The following TENM4 variants were observed in gnomAD, a reference collection of about 807,000 sequenced individuals.
The protein encoded by TENM4 is teneurin transmembrane protein 4, also known as teneurin-4.
TENM4 carries 82 observed loss-of-function variants against 243.3 expected under a neutral mutation model. That is an observed-to-expected ratio of 0.34 (90% CI 0.28 to 0.40). TENM4 has a LOEUF of 0.40. Ranked by LOEUF, TENM4 falls within the 10% of genes least tolerant of loss-of-function variation. TENM4 has a pLI of 1.00. For synonymous variants in TENM4, 1,412 were observed against 1,456.3 expected (o/e 0.97, Z 0.69); for missense variants, 3,138 against 3,673.3 (o/e 0.85, Z 3.77).
At chr11:79,260,600 C>T (rs1025174101) in intron 2 of TENM4, among the ~76,000 whole-genome samples, 1 of 152,106 alleles carries the variant, frequency 6.6e-6, no homozygotes, top group African/African-American at 2.4e-5. Context: ...AGGAGATCTG[C>T]CTTGTTCTTC....
At position 78,765,230 on chromosome 11, in the gene TENM4, G is replaced by T. The variant is rs151037297; in HGVS notation, c.2539+5762C>A. 5.0e-3 allele frequency among the ~76,000 whole-genome samples: 763 copies of T among 152,280 alleles called. 11 individuals are homozygous for T. The highest frequency in any genetic ancestry group is 0.018 in the African/African-American group (731 of 41,548). On this transcript the variant is annotated intron_variant, in intron 18 of 33. Coordinates refer to ENST00000278550, the MANE Select transcript of TENM4 (RefSeq NM_001098816.3). ...CACTGGGGAGAAGATTTTGTCATTT[G>T]CTATAATAAATTCTGTGCCTTCTTT...
chr11:79,317,935 T>C (rs1483282002), intron 1 of TENM4, among the ~76,000 whole-genome samples: 2 of 152,174 alleles, frequency 1.3e-5, no homozygotes, highest in African/African-American at 4.8e-5. Context: ...AGGGGTCTTC[T>C]GGAAGCCAAC....
intron 12 of TENM4, among the ~76,000 whole-genome samples, chr11:78,843,733 A>C (rs1858316158): frequency 6.6e-6 from 1 of 152,234 alleles, no homozygotes; most frequent in African/African-American, 2.4e-5. Context: ...TCTGGAACTC[A>C]CATTTCCATT....
chr11:79,371,409 A>T (rs1011996353), intron 1 of TENM4, among the ~76,000 whole-genome samples: 1 of 151,784 alleles, frequency 6.6e-6, no homozygotes, highest in Non-Finnish European at 1.5e-5. Flanking sequence ...TGGTTCTAGG[A>T]CTCTGACATG....
chr11:78,780,718 T>C (rs1856823787), intron 16 of TENM4, among the ~76,000 whole-genome samples: 1 of 152,220 alleles, frequency 6.6e-6, no homozygotes, highest in African/African-American at 2.4e-5. Flanking sequence ...TCTCTTCTAA[T>C]GCCATTTCAT....
intron 14 of TENM4, among the ~76,000 whole-genome samples, chr11:78,808,990 T>A (rs1309437279): frequency 2.6e-5 from 4 of 152,084 alleles, no homozygotes; most frequent in African/African-American, 4.8e-5. Context: ...CCAATAAAGG[T>A]ATTTCCTTTT....
At chr11:78,675,565 G>A (rs1327751879) in intron 30 of TENM4, among the ~76,000 whole-genome samples, 1 of 152,170 alleles carries the variant, frequency 6.6e-6, no homozygotes, top group Non-Finnish European at 1.5e-5. Context: ...CAAGGAGCTG[G>A]CTCAGGGCAT....
At chr11:78,898,697 CTG>C (rs1458755851) in intron 7 of TENM4, among the ~76,000 whole-genome samples, 1 of 152,144 alleles carries the variant, frequency 6.6e-6, no homozygotes, top group African/African-American at 2.4e-5. Flanking sequence ...TTTATTTCAC[CTG>C]TGTTAATAAT....
At chr11:79,294,084 G>T (rs1185312926) in intron 2 of TENM4, among the ~76,000 whole-genome samples, 2 of 152,166 alleles carry the variant, frequency 1.3e-5, no homozygotes, top group African/African-American at 4.8e-5. Context: ...AGCAATCCTA[G>T]TCCTGTCTTT....
chr11:78,894,120 G>C (rs949857233), intron 7 of TENM4, among the ~76,000 whole-genome samples: 1 of 152,186 alleles, frequency 6.6e-6, no homozygotes, highest in African/African-American at 2.4e-5. Context: ...CATAGTCAGT[G>C]CTTCATTGAA....
intron 6 of TENM4, among the ~76,000 whole-genome samples, chr11:79,023,347 G>A (rs905261646): frequency 3.3e-5 from 5 of 152,012 alleles, no homozygotes; most frequent in African/African-American, 1.2e-4. Context: ...ATCACCTGAG[G>A]TCAGGAGTTC....
chr11:78,729,295 G>A, intron 22 of TENM4, 81 bp downstream of exon 22: 1 of 1,419,878 alleles, frequency 7.0e-7, no homozygotes, highest in East Asian at 2.5e-5. Flanking sequence ...AGAAGAGGAA[G>A]GAAGGAAGAA....
At chr11:79,150,897 A>C (rs1387857693) in intron 3 of TENM4, among the ~76,000 whole-genome samples, 1 of 152,182 alleles carries the variant, frequency 6.6e-6, no homozygotes. Context: ...ATTCTACTTA[A>C]TCTTCACAAT....
At chr11:79,210,893 T>G (rs542541893) in intron 3 of TENM4, among the ~76,000 whole-genome samples, 3 of 152,358 alleles carry the variant, frequency 2.0e-5, no homozygotes, top group African/African-American at 7.2e-5. Flanking sequence ...TATACATACA[T>G]TTGTACACCA....
chr11:78,865,480 C>G (rs541154424), intron 9 of TENM4, among the ~76,000 whole-genome samples: 38 of 152,304 alleles, frequency 2.5e-4, no homozygotes, highest in African/African-American at 8.4e-4. Flanking sequence ...CATCAAACAG[C>G]CTCCAAGGCT....
intron 3 of TENM4, among the ~76,000 whole-genome samples, chr11:79,159,504 T>A (rs935884714): frequency 6.6e-6 from 1 of 152,204 alleles, no homozygotes; most frequent in Non-Finnish European, 1.5e-5. Flanking sequence ...ATTCCTTTTG[T>A]CCTTAGTTTT....
intron 14 of TENM4, among the ~76,000 whole-genome samples, chr11:78,810,642 A>T (rs934926792): frequency 6.6e-6 from 1 of 152,206 alleles, no homozygotes; most frequent in African/African-American, 2.4e-5. Flanking sequence ...AACAGGTCTG[A>T]ATCAGGACTT....
intron 1 of TENM4, among the ~76,000 whole-genome samples, chr11:79,416,459 T>A (rs771272476): frequency 1.3e-5 from 2 of 152,216 alleles, no homozygotes; most frequent in South Asian, 4.1e-4. Flanking sequence ...TTCATTTCTC[T>A]AATGACTAAT....
chr11:78,859,079 T>G (rs1360674138), intron 10 of TENM4, among the ~76,000 whole-genome samples: 1 of 152,224 alleles, frequency 6.6e-6, no homozygotes, highest in Admixed American at 6.5e-5. Context: ...TCAGTGGTGG[T>G]GGGGTGCATT....
Sources: allele counts gnomAD v4.1 joint callset (sites outside exome capture counted in the v4.1 genomes callset), GRCh38; gene constraint gnomAD v4.1.1; transcripts MANE v1.5; gene names NCBI Gene and HGNC (gene_info 2026-07-23, HGNC 2026-07-21).